RAB38: variants seen among roughly 807,000 people sequenced by gnomAD.
The protein encoded by RAB38 is RAB38, member RAS oncogene family.
A neutral mutation model predicts 18.4 loss-of-function variants in RAB38; 15 were observed. The observed-to-expected ratio is 0.82, with a 90% CI of 0.55 to 1.26. The LOEUF (loss-of-function observed/expected upper bound fraction) is 1.26, where lower values mean the gene tolerates loss of function less well. Among genes scored for constraint, RAB38 ranks in the 50% most tolerant of loss-of-function variants. RAB38 has a pLI of 0.00. For synonymous variants in RAB38, 101 were observed against 104.4 expected, an observed-to-expected ratio of 0.97 and a Z score of 0.20; for missense variants, 294 against 267.4, an observed-to-expected ratio of 1.10 and a Z score of -0.69.
the RAB38 span, among the ~76,000 whole-genome samples, chr11:87,920,495 G>A: frequency 6.6e-6 from 1 of 151,996 alleles, no homozygotes; most frequent in Non-Finnish European, 1.5e-5. Flanking sequence ...TTGTGGTCAG[G>A]AAAGATACTT....
the RAB38 span, among the ~76,000 whole-genome samples, chr11:88,034,059 T>A: frequency 4.6e-5 from 7 of 152,134 alleles, no homozygotes; most frequent in Non-Finnish European, 1.0e-4. Context: ...ACATCTACCT[T>A]CCACATCCGC....
chr11:88,013,330 A>T, the RAB38 span, among the ~76,000 whole-genome samples: 37 of 152,268 alleles, frequency 2.4e-4, 1 homozygote, highest in Admixed American at 7.2e-4. Flanking sequence ...GTTTTAGTTC[A>T]TCAATTTCTT....
At chr11:87,882,659 A>G in the RAB38 span, among the ~76,000 whole-genome samples, 3 of 151,840 alleles carry the variant, frequency 2.0e-5, no homozygotes, top group South Asian at 6.2e-4. Flanking sequence ...AAACAATTAG[A>G]ATAGGGTGTG....
the RAB38 span, among the ~76,000 whole-genome samples, chr11:88,024,882 G>A: frequency 1.2e-4 from 18 of 150,654 alleles, no homozygotes; most frequent in African/African-American, 4.1e-4. Context: ...GTGGGGTGGG[G>A]TGGAGATGGA....
the RAB38 span, among the ~76,000 whole-genome samples, chr11:88,047,749 C>T: frequency 6.6e-6 from 1 of 152,160 alleles, no homozygotes; most frequent in African/African-American, 2.4e-5. Context: ...AATGCTTATG[C>T]CGGTAAGATA....
At chr11:87,846,993 A>G in the RAB38 span, among the ~76,000 whole-genome samples, 1 of 152,094 alleles carries the variant, frequency 6.6e-6, no homozygotes, top group Non-Finnish European at 1.5e-5. Context: ...AAAATACAAT[A>G]TATCAAAATT....
At chr11:87,853,807 C>A in the RAB38 span, among the ~76,000 whole-genome samples, 1 of 152,176 alleles carries the variant, frequency 6.6e-6, no homozygotes, top group African/African-American at 2.4e-5. Context: ...CTTTCTCTTA[C>A]AGTTTTGTAG....
the RAB38 span, among the ~76,000 whole-genome samples, chr11:87,814,755 A>G: frequency 2.0e-5 from 3 of 147,948 alleles, no homozygotes; most frequent in Non-Finnish European, 3.0e-5. Flanking sequence ...TTTTTTTGAG[A>G]CAGAGTCTCG....
the RAB38 span, among the ~76,000 whole-genome samples, chr11:87,909,511 A>G: frequency 1.3e-5 from 2 of 152,168 alleles, no homozygotes; most frequent in East Asian, 3.9e-4. Flanking sequence ...GACATACTAT[A>G]TATAGTTAAA....
the RAB38 span, among the ~76,000 whole-genome samples, chr11:87,955,673 T>G: frequency 3.3e-4 from 46 of 139,534 alleles, no homozygotes; most frequent in Non-Finnish European, 5.8e-4. Context: ...CAATCATCTA[T>G]CTATCAATCA....
the RAB38 span, among the ~76,000 whole-genome samples, chr11:87,866,350 C>A: frequency 5.2e-4 from 79 of 151,818 alleles, no homozygotes; most frequent in African/African-American, 1.8e-3. Context: ...ACTCCATGGG[C>A]AATATCTTTC....
the RAB38 span, among the ~76,000 whole-genome samples, chr11:88,012,626 G>A: frequency 6.6e-5 from 10 of 152,106 alleles, no homozygotes; most frequent in African/African-American, 2.4e-4. Flanking sequence ...CTTGTGAACA[G>A]CTCTTAACAC....
At chr11:87,970,907 G>A in the RAB38 span, among the ~76,000 whole-genome samples, 1 of 152,016 alleles carries the variant, frequency 6.6e-6, no homozygotes, top group Non-Finnish European at 1.5e-5. Flanking sequence ...CAATTCTGGT[G>A]TGAGATGGCA....
the RAB38 span, among the ~76,000 whole-genome samples, chr11:87,859,461 A>G: frequency 1.3e-5 from 2 of 152,138 alleles, no homozygotes; most frequent in Non-Finnish European, 2.9e-5. Flanking sequence ...AAATGTATGC[A>G]CAGTTAAGAC....
the RAB38 span, among the ~76,000 whole-genome samples, chr11:88,070,608 A>G: frequency 2.0e-5 from 3 of 152,226 alleles, no homozygotes; most frequent in African/African-American, 7.2e-5. Flanking sequence ...AGAAAGAGAA[A>G]ATGCTCAGAG....
At chr11:87,849,646 C>T in the RAB38 span, among the ~76,000 whole-genome samples, 2 of 152,060 alleles carry the variant, frequency 1.3e-5, no homozygotes, top group South Asian at 4.1e-4. Context: ...TGGGTGTTGT[C>T]CTTTTCTGCC....
the RAB38 span, among the ~76,000 whole-genome samples, chr11:87,817,856 G>C: frequency 1.3e-5 from 2 of 152,036 alleles, no homozygotes; most frequent in Non-Finnish European, 1.5e-5. Flanking sequence ...ATGCAGTCGA[G>C]GCAAAAAGAT....
the RAB38 span, among the ~76,000 whole-genome samples, chr11:87,977,806 TTATA>T: frequency 4.5e-5 from 5 of 110,720 alleles, no homozygotes; most frequent in East Asian, 1.3e-3. Flanking sequence ...TATTATAGAG[TTATA>T]TATTAAATAT....
At chr11:87,923,971 A>AC in the RAB38 span, among the ~76,000 whole-genome samples, 5 of 151,728 alleles carry the variant, frequency 3.3e-5, no homozygotes, top group African/African-American at 1.2e-4. Context: ...GAAAAAAAAA[A>AC]AAACACATTT....
Sources: gnomAD v4.1 joint callset for allele counts (sites outside exome capture counted in the v4.1 genomes callset) on GRCh38, gnomAD v4.1.1 for gene constraint, MANE v1.5 for transcripts, NCBI Gene and HGNC (gene_info 2026-07-23, HGNC 2026-07-21) for gene names.